KCNE1: variants seen among roughly 807,000 people sequenced by gnomAD.
KCNE1 encodes potassium voltage-gated channel subfamily E regulatory subunit 1, also known as potassium voltage-gated channel subfamily E member 1.
KCNE1 carries 1 observed loss-of-function variant against 2.9 expected under a neutral mutation model. The observed-to-expected ratio is 0.34, with a 90% CI of 0.12 to 1.62. The LOEUF is 1.62. KCNE1 is among the 40% of genes most tolerant of loss of function. The pLI, the probability that KCNE1 is intolerant of heterozygous loss-of-function variation, is 0.36. For missense variants in KCNE1, 45 were observed against 150.5 expected (o/e 0.30, Z 3.67); for synonymous variants, 23 against 65.4 (o/e 0.35, Z 3.13).
chr21:34,507,513 A>T (rs1983570287), intron 2 of KCNE1, among the ~76,000 whole-genome samples: 1 of 152,218 alleles, frequency 6.6e-6, no homozygotes, highest in East Asian at 1.9e-4. Context: ...GAAGTAAAGC[A>T]CATCTCTAAT....
At position 34,511,289 on chromosome 21, in the gene KCNE1, C is replaced by T; in HGVS notation, c.-350G>A. ...GCCATTCAACGCCCTCCAGGACAGG[C>T]CGAAGGGCTTGTCTGTTTGGTGGTT... is the stretch of plus-strand genomic sequence containing the variant. On this transcript the variant is annotated 5_prime_UTR_variant, in exon 2 of 4. Transcript: ENST00000399286. The T allele has an allele frequency of 1.0e-6, 1 of 985,528 alleles. No homozygotes were observed. The highest frequency in any genetic ancestry group is 4.7e-5 in the South Asian group (1 of 21,292). 61.0% of individuals were successfully genotyped at this position (985,528 alleles called of 1,614,324 possible). A position where few individuals can be genotyped will look rare whatever the true frequency, so the allele number is the denominator to read the frequency against.
intron 2 of KCNE1, among the ~76,000 whole-genome samples, chr21:34,498,739 T>C (rs950194997): frequency 6.6e-6 from 1 of 152,250 alleles, no homozygotes; most frequent in Non-Finnish European, 1.5e-5. Context: ...AGCCAGGATG[T>C]TGCAGGCAGT....
In KCNE1 at chr21:34,512,084, AGAG is replaced by A. The variant is rs1215541999; in HGVS notation, c.-437_-435del. On this transcript the variant is annotated 5_prime_UTR_variant, in exon 1 of 4. Coordinates refer to ENST00000399286, the MANE Select transcript of KCNE1 (RefSeq NM_000219.6). ...TGCTGCAGTCATCCTAGCACGGTCGAGAGGAGTAGGAAGGTGCCCAGCGGCTCA... is the reference window on the plus strand; with the variant it reads ...TGCTGCAGTCATCCTAGCACGGTCGAGAGTAGGAAGGTGCCCAGCGGCTCA... The A allele has an allele frequency of 6.6e-6, 1 of 152,304 alleles. No homozygotes were observed. Among genetic ancestry groups the A allele is most frequent in the African/African-American group, 2.4e-5 (1 of 41,450 alleles). 9.4% of individuals were successfully genotyped at this position (152,304 alleles called of 1,614,324 possible).
intron 2 of KCNE1, among the ~76,000 whole-genome samples, chr21:34,503,812 T>A (rs1476822539): frequency 6.6e-6 from 1 of 152,196 alleles, no homozygotes; most frequent in African/African-American, 2.4e-5. Flanking sequence ...CTAAACAAAG[T>A]AGATTCTTAT....
intron 2 of KCNE1, among the ~76,000 whole-genome samples, chr21:34,508,712 AC>A (rs1203334040): frequency 1.3e-5 from 2 of 152,196 alleles, no homozygotes; most frequent in African/African-American, 4.8e-5. Context: ...CAGTCATTGG[AC>A]AGTATTACAA....
At chr21:34,502,331 C>G (rs905767429) in intron 2 of KCNE1, among the ~76,000 whole-genome samples, 5 of 152,188 alleles carry the variant, frequency 3.3e-5, no homozygotes, top group Admixed American at 6.5e-5. Flanking sequence ...TACTCAGTAA[C>G]TGTTCAGAGA....
At chr21:34,497,278 G>A (rs1475936919) in intron 2 of KCNE1, among the ~76,000 whole-genome samples, 1 of 152,098 alleles carries the variant, frequency 6.6e-6, no homozygotes, top group Non-Finnish European at 1.5e-5. Context: ...TATAGGCCCT[G>A]TGAGATTTAT....
At chr21:34,502,211 A>G (rs542780315) in intron 2 of KCNE1, among the ~76,000 whole-genome samples, 1 of 152,276 alleles carries the variant, frequency 6.6e-6, no homozygotes, top group Non-Finnish European at 1.5e-5. Context: ...CTTTGGTAGA[A>G]GGGTAGTCTA....
intron 2 of KCNE1, among the ~76,000 whole-genome samples, chr21:34,498,786 G>A (rs934774600): frequency 1.3e-5 from 2 of 152,234 alleles, no homozygotes; most frequent in Non-Finnish European, 2.9e-5. Flanking sequence ...TTGAAGCAGG[G>A]TTATTCCGTC....
chr21:34,502,831 A>G (rs1983249417), intron 2 of KCNE1, among the ~76,000 whole-genome samples: 2 of 152,234 alleles, frequency 1.3e-5, no homozygotes, highest in African/African-American at 2.4e-5. Flanking sequence ...TTTTTAAGTC[A>G]CAGCAGTTTC....
chr21:34,511,332 G>GCC lies in KCNE1; in HGVS notation c.-376-19_-376-18dup. 1 of 985,404 alleles carries GCC rather than the reference G, an allele frequency of 1.0e-6. No individual in the cohort carries two copies. Among genetic ancestry groups the GCC allele is most frequent in the Non-Finnish European group, 1.2e-6 (1 of 829,870 alleles). 61.0% of individuals were successfully genotyped at this position (985,404 alleles called of 1,614,324 possible). A position where few individuals can be genotyped will look rare whatever the true frequency, so the allele number is the denominator to read the frequency against. On this transcript the variant is annotated splice_polypyrimidine_tract_variant and intron_variant, in intron 1 of 3. Transcript: ENST00000399286. The stretch of plus-strand genomic sequence containing the variant: ...TGGTGGTTGCTAAGGTTTGAAAAAA[G>GCC]CCAGCTGGAAACTTAATCCCCAAAG...
intron 2 of KCNE1, among the ~76,000 whole-genome samples, chr21:34,501,008 C>G (rs1020575212): frequency 6.6e-6 from 1 of 152,304 alleles, no homozygotes; most frequent in East Asian, 1.9e-4. Context: ...GGACAAGACT[C>G]AAGACTCAGC....
In KCNE1 at chr21:34,449,311, G is replaced by A. The variant is rs200684060; in HGVS notation, c.324C>T (p.Val108=). Residue 108 remains valine, a synonymous_variant, in exon 4 of 4, where the codon GTC becomes GTT. Transcript: ENST00000399286. The part of the protein sequence containing the change: ...RVLESYRSCY[V]VENHLAIEQP... ...GTTCTATGGCCAGATGGTTTTCAAC[G>A]ACATAGCACGACCTGTAGCTCTCCA... 2.0e-5 allele frequency: 28 copies of A among 1,401,988 alleles called. No individual in the cohort carries two copies. The highest frequency in any genetic ancestry group is 7.4e-5 in the African/African-American group (5 of 67,300). The allele number at this position is 1,401,988 out of a possible 1,614,324, so 86.8% of individuals were successfully genotyped here.
chr21:34,495,846 T>C (rs11701049), intron 2 of KCNE1, among the ~76,000 whole-genome samples: 21,535 of 152,148 alleles, frequency 0.14, 1,787 homozygotes, highest in Non-Finnish European at 0.19. Flanking sequence ...GTTTCACTTA[T>C]CTTTTTGTTA....
At chr21:34,505,956 A>G (rs80053978) in intron 2 of KCNE1, among the ~76,000 whole-genome samples, 17 of 152,204 alleles carry the variant, frequency 1.1e-4, no homozygotes, top group Non-Finnish European at 1.8e-4. Flanking sequence ...ACTCTGGGGG[A>G]AAAAGTTTTT....
intron 2 of KCNE1, among the ~76,000 whole-genome samples, chr21:34,504,006 C>A (rs563415418): frequency 1.4e-4 from 21 of 152,310 alleles, no homozygotes; most frequent in Admixed American, 9.8e-4. Flanking sequence ...CCCCCATGTC[C>A]GGTCACACAG....
intron 2 of KCNE1, among the ~76,000 whole-genome samples, chr21:34,505,866 G>C (rs1241146102): frequency 6.6e-6 from 1 of 152,186 alleles, no homozygotes; most frequent in Non-Finnish European, 1.5e-5. Flanking sequence ...CCATCTTCTA[G>C]AGTCATCCCA....
At chr21:34,504,854 T>C (rs145107549) in intron 2 of KCNE1, among the ~76,000 whole-genome samples, 264 of 152,194 alleles carry the variant, frequency 1.7e-3, no homozygotes, top group African/African-American at 6.1e-3. Flanking sequence ...GGGAAATCTA[T>C]AGAAACAGAA....
At chr21:34,496,218 C>T (rs1476497743) in intron 2 of KCNE1, among the ~76,000 whole-genome samples, 9 of 152,028 alleles carry the variant, frequency 5.9e-5, no homozygotes, top group East Asian at 1.9e-4. Flanking sequence ...AGACTACAGG[C>T]GCCTGCCACC....
Sources: allele counts gnomAD v4.1 joint callset (sites outside exome capture counted in the v4.1 genomes callset), GRCh38; gene constraint gnomAD v4.1.1; transcripts MANE v1.5; gene names NCBI Gene and HGNC (gene_info 2026-07-23, HGNC 2026-07-21).